Variants in CUX1 observed in about 807,000 individuals in gnomAD.
CUX1 encodes the protein protein CASP.
In CUX1, 31 loss-of-function variants were observed where a neutral mutation model predicts 158.8. The observed-to-expected ratio is 0.20, with a 90% CI of 0.15 to 0.26. CUX1 has a LOEUF of 0.26. Ranked by LOEUF, CUX1 falls within the 10% of genes least tolerant of loss-of-function variation. The pLI is 1.00. For synonymous variants in CUX1, 879 were observed against 862.1 expected (o/e 1.02, Z -0.34); for missense variants, 1,589 against 2,014.6 (o/e 0.79, Z 4.04).
intron 9 of CUX1, among the ~76,000 whole-genome samples, chr7:102,167,312 A>G (rs536427285): frequency 6.6e-6 from 1 of 152,206 alleles, no homozygotes; most frequent in South Asian, 2.1e-4. Flanking sequence ...AAATTATGCA[A>G]TCAGAAATTG....
intron 2 of CUX1, among the ~76,000 whole-genome samples, chr7:101,953,380 A>G (rs1181267218): frequency 1.3e-5 from 2 of 152,186 alleles, no homozygotes; most frequent in Non-Finnish European, 2.9e-5. Context: ...GGAGAAAGGT[A>G]CTTATTAGAA....
intron 2 of CUX1, among the ~76,000 whole-genome samples, chr7:101,918,199 C>T (rs976293458): frequency 3.9e-5 from 6 of 152,186 alleles, no homozygotes; most frequent in South Asian, 2.1e-4. Flanking sequence ...TGTCCCCCTT[C>T]GGTCACCCTG....
At chr7:102,025,582 C>A (rs1819916195) in intron 2 of CUX1, among the ~76,000 whole-genome samples, 1 of 151,894 alleles carries the variant, frequency 6.6e-6, no homozygotes, top group African/African-American at 2.4e-5. Context: ...GAGCCGAGAT[C>A]ATGCCACTGT....
chr7:101,926,663 C>G (rs80171896), intron 2 of CUX1, among the ~76,000 whole-genome samples: 4,292 of 152,264 alleles, frequency 0.028, 106 homozygotes, highest in Non-Finnish European at 0.042. Context: ...GCTGAATGTC[C>G]AGTCTCAGGC....
chr7:102,280,691 C>A, intron 19 of CUX1: 1 of 1,077,614 alleles, frequency 9.3e-7, no homozygotes, highest in Non-Finnish European at 1.4e-6. Flanking sequence ...CCCTGGGGGT[C>A]TGCAAGAACA....
chr7:102,267,416 C>T (rs1790889976), intron 14 of CUX1, among the ~76,000 whole-genome samples: 2 of 152,004 alleles, frequency 1.3e-5, no homozygotes, highest in African/African-American at 2.4e-5. Context: ...TGCCTGTAAT[C>T]CCAGCTGCTT....
At chr7:102,127,196 G>C (rs1196997571) in intron 8 of CUX1, among the ~76,000 whole-genome samples, 1 of 152,152 alleles carries the variant, frequency 6.6e-6, no homozygotes. Flanking sequence ...TCTATATAGT[G>C]CTTTCTTTTT....
chr7:102,044,542 T>C (rs1212477313), intron 3 of CUX1, among the ~76,000 whole-genome samples: 1 of 152,170 alleles, frequency 6.6e-6, no homozygotes, highest in African/African-American at 2.4e-5. Flanking sequence ...TTGCATTAAC[T>C]TTTCCCCTCT....
intron 1 of CUX1, among the ~76,000 whole-genome samples, chr7:101,896,301 G>A (rs1170670772): frequency 6.6e-6 from 1 of 152,150 alleles, no homozygotes; most frequent in Non-Finnish European, 1.5e-5. Flanking sequence ...GGTAGGCCAG[G>A]AAGCAGGTGT....
chr7:102,241,045 C>T (rs1800151834), intron 23 of CUX1, among the ~76,000 whole-genome samples: 1 of 152,150 alleles, frequency 6.6e-6, no homozygotes, highest in Admixed American at 6.5e-5. Flanking sequence ...GTCTCGAACT[C>T]CTGACCTCAA....
intron 8 of CUX1, among the ~76,000 whole-genome samples, chr7:102,141,912 A>AT (rs1290163468): frequency 6.7e-6 from 1 of 149,102 alleles, no homozygotes; most frequent in Non-Finnish European, 1.5e-5. Context: ...GAGTGCTGGG[A>AT]TTACAGGCGT....
chr7:102,105,662 G>A (rs936442579), intron 6 of CUX1, among the ~76,000 whole-genome samples: 13 of 151,592 alleles, frequency 8.6e-5, no homozygotes, highest in Admixed American at 2.0e-4. Flanking sequence ...ACAGGCATGC[G>A]CCACCACGCC....
intron 22 of CUX1, among the ~76,000 whole-genome samples, chr7:102,237,894 T>C (rs1031692703): frequency 9.1e-6 from 1 of 110,390 alleles, no homozygotes; most frequent in Non-Finnish European, 2.0e-5. Context: ...GTGGGTCACA[T>C]GTCCACTGGA....
intron 3 of CUX1, among the ~76,000 whole-genome samples, chr7:102,039,739 C>T (rs1015185083): frequency 6.6e-6 from 1 of 151,850 alleles, no homozygotes; most frequent in Non-Finnish European, 1.5e-5. Context: ...CCCTTCCCTT[C>T]TAACCAGCCC....
At chr7:102,089,520 T>C (rs1184167185) in intron 4 of CUX1, among the ~76,000 whole-genome samples, 1 of 152,214 alleles carries the variant, frequency 6.6e-6, no homozygotes, top group African/African-American at 2.4e-5. Context: ...AGTTTAGCCC[T>C]CCACTCAGGT....
intron 8 of CUX1, among the ~76,000 whole-genome samples, chr7:102,151,756 A>AC (rs1835705078): frequency 6.9e-6 from 1 of 145,772 alleles, no homozygotes; most frequent in Admixed American, 6.8e-5. Context: ...AAAAAAAAAA[A>AC]AACCTGGTTG....
rs544807367 is a variant in CUX1, at chr7:102,141,081, C to T, written c.675-17479C>T. On this transcript the variant is annotated intron_variant, in intron 8 of 23. Coordinates refer to ENST00000292535, the MANE Select transcript of CUX1 (RefSeq NM_181552.4). The stretch of plus-strand genomic sequence containing the variant: ...CAGAGTGAAGGGAACGGACGGTCTT[C>T]GTGGGGCCAGCAAGTCTGGCCCCAT... Among the ~76,000 whole-genome samples the T allele has an allele frequency of 2.0e-5, 3 of 152,162 alleles. No individual in the cohort carries two copies. In the South Asian group the frequency reaches 6.2e-4, roughly 32 times the overall value.
intron 1 of CUX1, among the ~76,000 whole-genome samples, chr7:101,821,511 T>C (rs887931099): frequency 6.6e-6 from 1 of 150,790 alleles, no homozygotes; most frequent in African/African-American, 2.4e-5. Context: ...GCTAATTTTT[T>C]GTATTTTTAG....
intron 3 of CUX1, among the ~76,000 whole-genome samples, chr7:102,069,655 C>T (rs1461637372): frequency 1.3e-5 from 2 of 152,102 alleles, no homozygotes; most frequent in African/African-American, 2.4e-5. Context: ...AGGCTGAGGG[C>T]AAGAATCGCT....
Sources: allele counts gnomAD v4.1 joint callset (sites outside exome capture counted in the v4.1 genomes callset), GRCh38; gene constraint gnomAD v4.1.1; transcripts MANE v1.5; gene names NCBI Gene and HGNC (gene_info 2026-07-23, HGNC 2026-07-21).